The following SCAMP1 variants were observed in gnomAD, a reference collection of about 807,000 sequenced individuals.
The protein encoded by SCAMP1 is secretory carrier membrane protein 1, also known as secretory carrier-associated membrane protein 1.
SCAMP1 carries 15 observed loss-of-function variants against 41.8 expected under a neutral mutation model. The observed-to-expected ratio is 0.36, with a 90% confidence interval of 0.24 to 0.55. SCAMP1 has a LOEUF of 0.55. Among genes scored for constraint, SCAMP1 ranks in the 20% least tolerant of loss-of-function variants. The pLI, the probability that SCAMP1 is intolerant of heterozygous loss-of-function variation, is 0.86. For synonymous variants in SCAMP1, 135 were observed against 136.8 expected, an observed-to-expected ratio of 0.99 and a Z score of 0.09; for missense variants, 341 against 412.6, an observed-to-expected ratio of 0.83 and a Z score of 1.50.
At chr5:78,396,065 A>AT in intron 2 of SCAMP1, among the ~76,000 whole-genome samples, 1 of 152,244 alleles carries the variant, frequency 6.6e-6, no homozygotes, top group South Asian at 2.1e-4. Context: ...CTTTATCCCC[A>AT]TTTAAAAGGG....
chr5:78,411,742 A>G (rs1190808736), intron 2 of SCAMP1, among the ~76,000 whole-genome samples: 1 of 152,138 alleles, frequency 6.6e-6, no homozygotes, highest in Admixed American at 6.5e-5. Flanking sequence ...GCATACATAC[A>G]TTTGCAAATA....
chr5:78,390,630 A>G (rs1015717782), intron 2 of SCAMP1, among the ~76,000 whole-genome samples: 2 of 152,062 alleles, frequency 1.3e-5, no homozygotes, highest in Non-Finnish European at 2.9e-5. Context: ...AACTTTGTCG[A>G]TAAAGAATGA....
At chr5:78,361,464 G>A (rs867393228) in intron 1 of SCAMP1, among the ~76,000 whole-genome samples, 1 of 152,146 alleles carries the variant, frequency 6.6e-6, no homozygotes, top group Non-Finnish European at 1.5e-5. Context: ...CTCCTAGTGC[G>A]TCACCGGTTC....
In SCAMP1 at chr5:78,410,192, G is replaced by A. The variant is rs150551175; in HGVS notation, c.136-5328G>A. On this transcript the variant is annotated intron_variant, in intron 2 of 8. Transcript: ENST00000621999. ...GTGTAGGTTTGTTACATAGGCAAAC[G>A]TGTGCCATGGTGGTTTGTTGCACAG... 8.8e-3 allele frequency among the ~76,000 whole-genome samples: 1,328 copies of A among 151,088 alleles called. 15 individuals are homozygous for A. Among genetic ancestry groups the A allele is most frequent in the African/African-American group, 0.03 (1,250 of 41,072 alleles).
chr5:78,381,570 A>G (rs1201324166), intron 1 of SCAMP1, among the ~76,000 whole-genome samples: 1 of 152,250 alleles, frequency 6.6e-6, no homozygotes, highest in African/African-American at 2.4e-5. Context: ...TCACTGACAC[A>G]TGCCTTCTCT....
At chr5:78,422,035 A>G in intron 6 of SCAMP1, 75 bp downstream of exon 6, 1 of 1,251,476 alleles carries the variant, frequency 8.0e-7, no homozygotes, top group Non-Finnish European at 1.1e-6. Flanking sequence ...ATTAAAGGGA[A>G]AATTGATGCA....
intron 2 of SCAMP1, 36 bp from the exon 3 acceptor site, chr5:78,415,484 T>C: frequency 7.8e-7 from 1 of 1,274,826 alleles, no homozygotes; most frequent in Non-Finnish European, 1.1e-6. Context: ...GTTGGATCTC[T>C]GTGTTACATA....
intron 6 of SCAMP1, among the ~76,000 whole-genome samples, chr5:78,425,071 C>T (rs1752432660): frequency 6.6e-6 from 1 of 152,072 alleles, no homozygotes. Context: ...TAAATGGTAG[C>T]TGTAATTAAT....
At position 78,360,684 on chromosome 5, in the gene SCAMP1, G is replaced by T. The variant is rs1443160433; in HGVS notation, c.13G>T (p.Asp5Tyr). Residue 5 changes from aspartate (D) to tyrosine (Y), a missense_variant, in exon 1 of 9, where the codon GAC becomes TAC. Physicochemically the swap from Asp to Tyr is radical, Grantham distance 160 (BLOSUM62 -3). Transcript: ENST00000621999. ...GAGAGCCAGAGAGATGTCGGATTTC[G>T]ACAGTAACCCGTTTGCCGACCCGGA... Reference protein sequence around the residue: MSDFDSNPFADPDLN... With the variant: MSDFYSNPFADPDLN... 6.2e-7 allele frequency: 1 copy of T among 1,610,336 alleles called. No homozygotes were observed. Among genetic ancestry groups the T allele is most frequent in the South Asian group, 1.1e-5 (1 of 90,146 alleles).
intron 4 of SCAMP1, 123 bp from the exon 5 acceptor site, chr5:78,418,652 A>ATCTTT (rs1260228800): frequency 1.5e-6 from 1 of 655,838 alleles, no homozygotes; most frequent in Non-Finnish European, 2.5e-6. Context: ...ACAAAGATAT[A>ATCTTT]GTTCTACAGT....
At chr5:78,395,554 T>C (rs1469453050) in intron 2 of SCAMP1, among the ~76,000 whole-genome samples, 1 of 152,220 alleles carries the variant, frequency 6.6e-6, no homozygotes, top group Non-Finnish European at 1.5e-5. Flanking sequence ...AAGGCTGTGG[T>C]CAAGCTGTTG....
In SCAMP1 at chr5:78,400,916, C is replaced by T. The variant is rs10452491; in HGVS notation, c.135+12002C>T. ...TGAGAGGGGACATCCTTGCCTTTTT[C>T]CTGATCTTAGCTGGAAAGCTTCTAG... On this transcript the variant is annotated intron_variant, in intron 2 of 8. Coordinates refer to ENST00000621999, the MANE Select transcript of SCAMP1 (RefSeq NM_004866.6). Among the ~76,000 whole-genome samples the T allele has an allele frequency of 4.4e-4, 67 of 152,168 alleles. 1 individual carries two copies. The highest frequency in any genetic ancestry group is 1.6e-3 in the African/African-American group (65 of 41,530).
At chr5:78,456,503 A>C (rs1342283689) in intron 7 of SCAMP1, among the ~76,000 whole-genome samples, 7 of 151,726 alleles carry the variant, frequency 4.6e-5, no homozygotes, top group African/African-American at 1.7e-4. Context: ...AAGAATGTTG[A>C]ATATTGGCCC....
chr5:78,431,899 T>C (rs937079119), intron 6 of SCAMP1, among the ~76,000 whole-genome samples: 1 of 152,126 alleles, frequency 6.6e-6, no homozygotes, highest in Non-Finnish European at 1.5e-5. Context: ...CAGGCATGCA[T>C]TGTGTAATAA....
chr5:78,383,120 G>T (rs528272445), intron 1 of SCAMP1, among the ~76,000 whole-genome samples: 8 of 151,986 alleles, frequency 5.3e-5, no homozygotes, highest in Non-Finnish European at 1.2e-4. Flanking sequence ...ATTATTTTTT[G>T]ATTATGGCTG....
intron 8 of SCAMP1, among the ~76,000 whole-genome samples, chr5:78,464,140 G>A (rs1260594276): frequency 1.3e-5 from 1 of 76,870 alleles, no homozygotes; most frequent in East Asian, 5.4e-4. Flanking sequence ...ACCACACTCA[G>A]CTATTTTTTT....
intron 1 of SCAMP1, among the ~76,000 whole-genome samples, chr5:78,366,154 T>C (rs1341930722): frequency 2.0e-5 from 3 of 150,300 alleles, no homozygotes; most frequent in South Asian, 2.1e-4. Context: ...CTTTTCTTTT[T>C]TTTTTTTGAG....
Position 78,392,021 on chromosome 5 carries a change from G to A in SCAMP1, c.135+3107G>A, listed in dbSNP as rs796608670. ...GGAAAGAGAGGGAGAGGGAGAGGGA[G>A]AGAGAGGGAGAGGGAGACCGTGGAA... On this transcript the variant is annotated intron_variant, in intron 2 of 8. Transcript: ENST00000621999. Among the ~76,000 whole-genome samples, 5 of 145,094 alleles carry A rather than the reference G, an allele frequency of 3.4e-5. No homozygotes were observed. In the East Asian group the frequency reaches 1.0e-3, roughly 30 times the overall value.
chr5:78,377,109 A>T (rs1751084326), intron 1 of SCAMP1, among the ~76,000 whole-genome samples: 1 of 151,968 alleles, frequency 6.6e-6, no homozygotes, highest in Non-Finnish European at 1.5e-5. Flanking sequence ...GAGGTAAGGA[A>T]AAAAAAAGCT....
Sources: gnomAD v4.1 joint callset for allele counts (sites outside exome capture counted in the v4.1 genomes callset) on GRCh38, gnomAD v4.1.1 for gene constraint, MANE v1.5 for transcripts, NCBI Gene and HGNC (gene_info 2026-07-23, HGNC 2026-07-21) for gene names.